RAP1GAP2: variants seen among roughly 807,000 people sequenced by gnomAD.
RAP1GAP2 encodes rap1 GTPase-activating protein 2.
In RAP1GAP2, 27 loss-of-function variants were observed where a neutral mutation model predicts 95.0. That is an observed-to-expected ratio of 0.28 (90% confidence interval 0.21 to 0.39). The LOEUF (loss-of-function observed/expected upper bound fraction) is 0.39, where lower values mean the gene tolerates loss of function less well. Ranked by LOEUF, RAP1GAP2 falls within the 10% of genes least tolerant of loss-of-function variation. The probability of loss-of-function intolerance (pLI) is 1.00; values close to 1 mark genes in which losing one functional copy is unlikely to be tolerated. For missense variants in RAP1GAP2, 771 were observed against 970.0 expected (o/e 0.79, Z 2.72); for synonymous variants, 373 against 380.9 (o/e 0.98, Z 0.24).
rs1000776437 is a variant in RAP1GAP2 at position 2,902,331 on chromosome 17, C to G, written c.81-2953C>G. 6.6e-6 allele frequency among the ~76,000 whole-genome samples: 1 copy of G among 152,152 alleles called. No homozygotes were observed. The highest frequency in any genetic ancestry group is 2.4e-5 in the African/African-American group (1 of 41,426). ...TCTTGGGTTCAAGCGATTCTCTTGC[C>G]TCAGCCTCCCAAGTAGCTCGGATGA... On this transcript the variant is annotated intron_variant, in intron 2 of 24. Coordinates refer to ENST00000254695, the MANE Select transcript of RAP1GAP2 (RefSeq NM_015085.5). The surrounding 1 kb of genome is among the most constrained non-coding windows in gnomAD (Gnocchi z 4.1).
At chr17:2,966,091 A>T (rs1000012902) in intron 8 of RAP1GAP2, among the ~76,000 whole-genome samples, 1 of 152,126 alleles carries the variant, frequency 6.6e-6, no homozygotes, top group African/African-American at 2.4e-5. Flanking sequence ...GTTCCCTGAG[A>T]TGCACTGATG....
At chr17:2,957,164 C>G (rs1003791180) in intron 3 of RAP1GAP2, among the ~76,000 whole-genome samples, 1 of 150,946 alleles carries the variant, frequency 6.6e-6, no homozygotes, top group African/African-American at 2.4e-5. Context: ...TCCCTCTAGG[C>G]CCCTGGAGGC....
At chr17:3,031,066 A>G in intron 23 of RAP1GAP2, 68 bp downstream of exon 23, 2 of 1,453,460 alleles carry the variant, frequency 1.4e-6, no homozygotes, top group Admixed American at 1.9e-5. Context: ...TCCTGAGGCC[A>G]GAGGAAGAGG....
chr17:3,018,420 A>T (rs1254194493), intron 18 of RAP1GAP2, among the ~76,000 whole-genome samples: 1 of 152,104 alleles, frequency 6.6e-6, no homozygotes, highest in Admixed American at 6.5e-5. Flanking sequence ...GTTGACCCAG[A>T]TGGTGCTAGA....
At chr17:2,843,009 G>C (rs184298848) in intron 2 of RAP1GAP2, among the ~76,000 whole-genome samples, 1 of 152,258 alleles carries the variant, frequency 6.6e-6, no homozygotes, top group East Asian at 1.9e-4. Flanking sequence ...GTGGGGTAGG[G>C]CGATGACTAA....
chr17:2,927,327 G>A (rs947203869), intron 3 of RAP1GAP2, among the ~76,000 whole-genome samples: 10 of 151,400 alleles, frequency 6.6e-5, no homozygotes, highest in Non-Finnish European at 1.5e-4. Context: ...CTAATTTTTT[G>A]TATTTTTAGT....
intron 17 of RAP1GAP2, among the ~76,000 whole-genome samples, chr17:3,010,360 A>AT (rs1167533805): frequency 2.8e-5 from 4 of 143,388 alleles, no homozygotes; most frequent in Non-Finnish European, 6.1e-5. Context: ...AAAAAAAAAA[A>AT]GAAAAGTTGA....
At chr17:3,012,405 G>A (rs4359482) in intron 17 of RAP1GAP2, among the ~76,000 whole-genome samples, 84,899 of 151,242 alleles carry the variant, frequency 0.56, 24,017 homozygotes, top group South Asian at 0.63. Context: ...ATCACCTGAG[G>A]TCAGGAGTTC....
chr17:2,961,830 G>A (rs1222620970), intron 4 of RAP1GAP2, among the ~76,000 whole-genome samples: 11 of 151,478 alleles, frequency 7.3e-5, no homozygotes, highest in African/African-American at 2.7e-4. Context: ...CGCTGGCTCC[G>A]ACACCAACAG....
chr17:3,031,849 C>T lies in RAP1GAP2; in HGVS notation c.2185-562C>T, dbSNP rs543826699. ...TCCCTTCCTGAGCTCTCCAGACTAT[C>T]GAGAGCTCCAGGTCCAGATGTGATG... is the stretch of plus-strand genomic sequence containing the variant. On this transcript the variant is annotated intron_variant, in intron 23 of 24. Coordinates refer to ENST00000254695, the MANE Select transcript of RAP1GAP2 (RefSeq NM_015085.5). Among the ~76,000 whole-genome samples the T allele has an allele frequency of 1.5e-4, 21 of 141,652 alleles. 1 individual carries two copies. The highest frequency in any genetic ancestry group is 4.7e-4 in the South Asian group (2 of 4,232). 92.9% of individuals were successfully genotyped at this position (141,652 alleles called of 152,430 possible).
chr17:2,916,347 C>T (rs765674519), intron 3 of RAP1GAP2, among the ~76,000 whole-genome samples: 6 of 152,194 alleles, frequency 3.9e-5, no homozygotes, highest in Non-Finnish European at 5.9e-5. Context: ...AGAGCTTAGA[C>T]GTGGTCTCAG....
intron 3 of RAP1GAP2, among the ~76,000 whole-genome samples, chr17:2,951,709 C>A (rs1022156076): frequency 1.3e-5 from 2 of 151,560 alleles, no homozygotes; most frequent in African/African-American, 2.4e-5. Context: ...CAGAATGAGA[C>A]CCTGTCTCAA....
At chr17:2,934,647 C>T (rs1390843816) in intron 3 of RAP1GAP2, among the ~76,000 whole-genome samples, 2 of 152,186 alleles carry the variant, frequency 1.3e-5, no homozygotes, top group Non-Finnish European at 2.9e-5. Context: ...TTCATTGCTT[C>T]GAAGACACTT....
At chr17:2,757,322 T>C (rs768305106) in intron 1 of RAP1GAP2, among the ~76,000 whole-genome samples, 19 of 152,102 alleles carry the variant, frequency 1.2e-4, no homozygotes, top group Non-Finnish European at 2.1e-4. Context: ...GATTTCACCA[T>C]ATTGTCCATA....
chr17:2,877,037 C>T (rs934652840), intron 2 of RAP1GAP2, among the ~76,000 whole-genome samples: 1 of 151,818 alleles, frequency 6.6e-6, no homozygotes, highest in East Asian at 1.9e-4. Context: ...TACAGGCATG[C>T]GCTGCCACAC....
In RAP1GAP2 at chr17:2,874,108, G is replaced by A. The variant is rs564508930; in HGVS notation, c.81-31176G>A. 1.3e-4 allele frequency among the ~76,000 whole-genome samples: 20 copies of A among 152,270 alleles called. No homozygotes were observed. The South Asian group carries it at 4.1e-3, about 32-fold the overall frequency. The stretch of plus-strand genomic sequence containing the variant: ...CTCATTTTCTAGCTCTCTGACTGTG[G>A]ACAAGTTACCTGATTTCTCAAAGAA... On this transcript the variant is annotated intron_variant, in intron 2 of 24. Transcript: ENST00000254695.
At chr17:2,793,754 G>T (rs376137457), upstream of RAP1GAP2, among the ~76,000 whole-genome samples, 3 of 152,318 alleles carry the variant, frequency 2.0e-5, no homozygotes, top group African/African-American at 7.2e-5. Context: ...TATACCCGGG[G>T]TCAGCTGGTT....
chr17:2,921,098 G>A (rs1414802717), intron 3 of RAP1GAP2, among the ~76,000 whole-genome samples: 1 of 152,168 alleles, frequency 6.6e-6, no homozygotes, highest in Non-Finnish European at 1.5e-5. Context: ...GTGTGGAGCT[G>A]GAGTTTCAGG....
intron 2 of RAP1GAP2, among the ~76,000 whole-genome samples, chr17:2,860,948 C>T (rs1000645985): frequency 3.3e-5 from 5 of 152,016 alleles, no homozygotes; most frequent in Admixed American, 6.6e-5. Context: ...CTCCATAGTC[C>T]GGCCCACACC....
Sources: allele counts gnomAD v4.1 joint callset (sites outside exome capture counted in the v4.1 genomes callset), GRCh38; gene constraint gnomAD v4.1.1; non-coding constraint Gnocchi (gnomAD v3.1); transcripts MANE v1.5; gene names NCBI Gene and HGNC (gene_info 2026-07-23, HGNC 2026-07-21).